The following REC114 variants were observed in gnomAD, a reference collection of about 807,000 sequenced individuals.
The protein encoded by REC114 is meiotic recombination protein REC114.
In REC114, 27 loss-of-function variants were observed where a neutral mutation model predicts 31.3. The observed-to-expected ratio is 0.86, with a 90% CI of 0.64 to 1.19. The LOEUF is 1.19. Among genes scored for constraint, REC114 ranks in the 50% most tolerant of loss-of-function variants. REC114 has a pLI of 0.00. For synonymous variants in REC114, 134 were observed against 127.7 expected, an observed-to-expected ratio of 1.05 and a Z score of -0.33; for missense variants, 344 against 326.9, an observed-to-expected ratio of 1.05 and a Z score of -0.40.
chr15:73,446,555 A>G (rs11638472), intron 1 of REC114, among the ~76,000 whole-genome samples: 25,016 of 151,668 alleles, frequency 0.16, 3,233 homozygotes, highest in African/African-American at 0.36. Context: ...TGGGAGAATC[A>G]CTTGAACCTG....
intron 3 of REC114, among the ~76,000 whole-genome samples, chr15:73,549,988 G>A (rs1894365550): frequency 6.6e-6 from 1 of 152,182 alleles, no homozygotes; most frequent in South Asian, 2.1e-4. Context: ...ACTGTAGTTA[G>A]GAGTGTTTTC....
Position 73,456,750 on chromosome 15 carries a change from G to C in REC114, c.159+13406G>C, listed in dbSNP as rs181396748. On this transcript the variant is annotated intron_variant, in intron 1 of 5. Transcript: ENST00000331090. ...TCAGTGGCTTTCCCAGGAACACAAA[G>C]ATAAGTTGAAAAGAAAGAATTTAGA... is the stretch of plus-strand genomic sequence containing the variant. Among the ~76,000 whole-genome samples, 424 of 152,192 alleles carry C rather than the reference G, an allele frequency of 2.8e-3. 1 individual carries two copies. The highest frequency in any genetic ancestry group is 8.8e-3 in the African/African-American group (365 of 41,526).
intron 1 of REC114, among the ~76,000 whole-genome samples, chr15:73,446,137 G>A (rs1289203011): frequency 6.6e-6 from 1 of 152,118 alleles, no homozygotes; most frequent in African/African-American, 2.4e-5. Flanking sequence ...TTAAGTTAGG[G>A]GTTTGCTCTT....
At chr15:73,536,048 C>T (rs950393300) in intron 2 of REC114, among the ~76,000 whole-genome samples, 4 of 151,204 alleles carry the variant, frequency 2.6e-5, no homozygotes, top group South Asian at 2.1e-4. Flanking sequence ...AAGACTTAAA[C>T]GTTAGACCTA....
chr15:73,523,478 A>G (rs1893964007), intron 2 of REC114, among the ~76,000 whole-genome samples: 1 of 152,204 alleles, frequency 6.6e-6, no homozygotes, highest in Non-Finnish European at 1.5e-5. Context: ...AGACTTAGCT[A>G]TTGTTACAGG....
At chr15:73,493,014 TTTTA>T (rs771990782) in intron 2 of REC114, among the ~76,000 whole-genome samples, 15 of 151,886 alleles carry the variant, frequency 9.9e-5, no homozygotes, top group Non-Finnish European at 1.5e-4. Flanking sequence ...TTTTTTTTAT[TTTTA>T]TTTATTTATT....
At chr15:73,552,459 T>C (rs571715715) in intron 4 of REC114, among the ~76,000 whole-genome samples, 9 of 152,198 alleles carry the variant, frequency 5.9e-5, no homozygotes, top group Non-Finnish European at 1.2e-4. Context: ...TAACGTAAAG[T>C]GGGTTTATTA....
chr15:73,535,942 A>T (rs1334237726), intron 2 of REC114, among the ~76,000 whole-genome samples: 2 of 150,408 alleles, frequency 1.3e-5, no homozygotes, highest in Admixed American at 1.3e-4. Context: ...TCCCTATTTA[A>T]TAAATGGTGC....
intron 2 of REC114, among the ~76,000 whole-genome samples, chr15:73,493,463 C>T (rs1352123024): frequency 6.6e-6 from 1 of 151,726 alleles, no homozygotes; most frequent in Non-Finnish European, 1.5e-5. Context: ...TTAAGTTTTC[C>T]CCTTTCATTT....
intron 1 of REC114, among the ~76,000 whole-genome samples, chr15:73,464,666 C>CTA (rs928907375): frequency 2.6e-4 from 40 of 152,226 alleles, no homozygotes; most frequent in Admixed American, 2.5e-3. Context: ...TGAGAGACCG[C>CTA]TAGGAACTTC....
At chr15:73,487,669 G>A (rs186433041) in intron 2 of REC114, among the ~76,000 whole-genome samples, 179 of 152,364 alleles carry the variant, frequency 1.2e-3, no homozygotes, top group African/African-American at 1.8e-3. Context: ...GTTCTCATGC[G>A]TTGGAGTTGG....
At chr15:73,447,182 G>A (rs776701680) in intron 1 of REC114, among the ~76,000 whole-genome samples, 1 of 152,112 alleles carries the variant, frequency 6.6e-6, no homozygotes, top group Non-Finnish European at 1.5e-5. Context: ...TGTCAGTTTT[G>A]GATGTATTGA....
chr15:73,474,118 A>G (rs1410622306), intron 2 of REC114, among the ~76,000 whole-genome samples, 197 bp downstream of exon 2: 1 of 152,164 alleles, frequency 6.6e-6, no homozygotes, highest in Non-Finnish European at 1.5e-5. Flanking sequence ...GGGGTTTAGG[A>G]TTTTGTTGGG....
At chr15:73,545,786 T>C (rs1405255809) in intron 3 of REC114, among the ~76,000 whole-genome samples, 2 of 152,178 alleles carry the variant, frequency 1.3e-5, no homozygotes, top group Non-Finnish European at 1.5e-5. Flanking sequence ...TGCTTGTGCA[T>C]ACAGCTTTTT....
intron 4 of REC114, 31 bp downstream of exon 4, chr15:73,551,181 A>G: frequency 6.4e-7 from 1 of 1,558,344 alleles, no homozygotes; most frequent in African/African-American, 1.4e-5. Flanking sequence ...GTTATACAGG[A>G]AACATGACAA....
chr15:73,559,687 G>T, intron 5 of REC114, 65 bp from the exon 6 acceptor site: 1 of 1,411,800 alleles, frequency 7.1e-7, no homozygotes. Context: ...CTATTTGCCT[G>T]TGTTCTATTA....
chr15:73,483,577 C>T (rs1407480065), intron 2 of REC114: 2 of 152,484 alleles, frequency 1.3e-5, no homozygotes, highest in Non-Finnish European at 2.9e-5. Context: ...ATAATTCGAG[C>T]CTCCAGGAAG....
chr15:73,540,249 A>G (rs1221390860), intron 2 of REC114, among the ~76,000 whole-genome samples: 1 of 152,156 alleles, frequency 6.6e-6, no homozygotes, highest in Non-Finnish European at 1.5e-5. Flanking sequence ...TTGATTTTCA[A>G]CATAAAAAGA....
At chr15:73,529,313 A>AT (rs976426508) in intron 2 of REC114, among the ~76,000 whole-genome samples, 1 of 151,502 alleles carries the variant, frequency 6.6e-6, no homozygotes, top group Non-Finnish European at 1.5e-5. Context: ...AATTTTTTGT[A>AT]TTTTTTAGTA....
Sources: allele counts gnomAD v4.1 joint callset (sites outside exome capture counted in the v4.1 genomes callset), GRCh38; gene constraint gnomAD v4.1.1; transcripts MANE v1.5; gene names NCBI Gene and HGNC (gene_info 2026-07-23, HGNC 2026-07-21).